The following TMEM178B variants were observed in gnomAD, a reference collection of about 807,000 sequenced individuals.
TMEM178B encodes transmembrane protein 178B.
Under a neutral mutation model 31.0 loss-of-function variants are expected in TMEM178B, and 5 were observed. The observed-to-expected ratio is 0.16, with a 90% CI of 0.08 to 0.34. The LOEUF is 0.34. Ranked by LOEUF, TMEM178B falls within the 10% of genes least tolerant of loss-of-function variation. The pLI is 1.00. For missense variants in TMEM178B, 275 were observed against 400.3 expected (o/e 0.69, Z 2.67); for synonymous variants, 164 against 164.0 (o/e 1.00, Z 0.00).
intron 1 of TMEM178B, among the ~76,000 whole-genome samples, chr7:141,134,007 G>C (rs1795634946): frequency 6.6e-6 from 1 of 152,144 alleles, no homozygotes; most frequent in Admixed American, 6.6e-5. Flanking sequence ...GGCTGAGATG[G>C]GAGGATTGCT....
At chr7:141,404,217 A>C (rs1041050150) in intron 2 of TMEM178B, among the ~76,000 whole-genome samples, 1 of 152,208 alleles carries the variant, frequency 6.6e-6, no homozygotes, top group Non-Finnish European at 1.5e-5. Flanking sequence ...AGGCAGGAGA[A>C]TGGCGTGAAC....
chr7:141,401,416 C>CTCAT (rs908789716), intron 2 of TMEM178B, among the ~76,000 whole-genome samples: 16 of 151,918 alleles, frequency 1.1e-4, no homozygotes, highest in African/African-American at 3.9e-4. Context: ...CTTTTATTTT[C>CTCAT]TTATTTATTT....
At chr7:141,432,429 A>G (rs990017740) in intron 2 of TMEM178B, among the ~76,000 whole-genome samples, 3 of 152,206 alleles carry the variant, frequency 2.0e-5, no homozygotes, top group Admixed American at 2.0e-4. Context: ...TGCTGGGATT[A>G]CAGGCGTGAG....
intron 1 of TMEM178B, among the ~76,000 whole-genome samples, chr7:141,178,466 A>G (rs1052570052): frequency 1.3e-5 from 2 of 152,334 alleles, no homozygotes; most frequent in African/African-American, 4.8e-5. Context: ...GCTGGACCAC[A>G]AAGTTTAAAT....
At chr7:141,228,989 T>A (rs1797390611) in intron 2 of TMEM178B, among the ~76,000 whole-genome samples, 1 of 148,254 alleles carries the variant, frequency 6.7e-6, no homozygotes, top group Non-Finnish European at 1.5e-5. Flanking sequence ...ATTTGAACAG[T>A]CCATGGATTA....
At chr7:141,302,769 C>T (rs1016286106) in intron 2 of TMEM178B, among the ~76,000 whole-genome samples, 1 of 152,174 alleles carries the variant, frequency 6.6e-6, no homozygotes, top group South Asian at 2.1e-4. Flanking sequence ...TGTTAACTAC[C>T]TCCCTGGGAA....
intron 3 of TMEM178B, among the ~76,000 whole-genome samples, chr7:141,468,992 G>T (rs540734664): frequency 6.6e-6 from 1 of 152,278 alleles, no homozygotes; most frequent in South Asian, 2.1e-4. Context: ...TACCTGGCGG[G>T]CACCATCTTG....
chr7:141,304,507 C>G (rs893813254), intron 2 of TMEM178B, among the ~76,000 whole-genome samples: 1 of 152,182 alleles, frequency 6.6e-6, no homozygotes, highest in Non-Finnish European at 1.5e-5. Context: ...CTTGCACACT[C>G]TCGTCTCCAG....
At chr7:141,420,727 C>A (rs1443678522) in intron 2 of TMEM178B, among the ~76,000 whole-genome samples, 1 of 152,160 alleles carries the variant, frequency 6.6e-6, no homozygotes, top group Non-Finnish European at 1.5e-5. Context: ...GGGAGGTACA[C>A]AAACCTGTTA....
At chr7:141,356,883 A>G (rs954076753) in intron 2 of TMEM178B, among the ~76,000 whole-genome samples, 6 of 152,048 alleles carry the variant, frequency 3.9e-5, no homozygotes, top group African/African-American at 1.4e-4. Flanking sequence ...TTCACTGCAA[A>G]CATGATATTT....
intron 2 of TMEM178B, among the ~76,000 whole-genome samples, chr7:141,292,177 A>G (rs1263474337): frequency 1.3e-5 from 2 of 152,178 alleles, no homozygotes; most frequent in Admixed American, 6.5e-5. Flanking sequence ...ATTTACTTAA[A>G]TGTTCTGTGA....
chr7:141,297,698 A>G (rs1798659295), intron 2 of TMEM178B, among the ~76,000 whole-genome samples: 1 of 152,144 alleles, frequency 6.6e-6, no homozygotes, highest in African/African-American at 2.4e-5. Context: ...ATCCTTTTTT[A>G]TGGCTGCATA....
At chr7:141,157,450 C>G (rs1008791532) in intron 1 of TMEM178B, among the ~76,000 whole-genome samples, 1 of 152,072 alleles carries the variant, frequency 6.6e-6, no homozygotes, top group South Asian at 2.1e-4. Context: ...CACGCACACA[C>G]ACACGCACAC....
chr7:141,138,843 G>C (rs562423322), intron 1 of TMEM178B, among the ~76,000 whole-genome samples: 4 of 152,124 alleles, frequency 2.6e-5, no homozygotes, highest in Admixed American at 2.6e-4. Context: ...AATTAGCCGG[G>C]TGTGGTGGCA....
At chr7:141,256,440 A>G (rs1183824332) in intron 2 of TMEM178B, among the ~76,000 whole-genome samples, 2 of 152,150 alleles carry the variant, frequency 1.3e-5, no homozygotes, top group African/African-American at 4.8e-5. Flanking sequence ...CTAAGGCAGG[A>G]GGTACTTGGA....
chr7:141,413,004 C>T (rs1282607430), intron 2 of TMEM178B, among the ~76,000 whole-genome samples: 3 of 152,170 alleles, frequency 2.0e-5, no homozygotes, highest in East Asian at 1.9e-4. Context: ...GAAGAATGCT[C>T]AGCTTCATGA....
At chr7:141,393,867 A>C (rs1211975117) in intron 2 of TMEM178B, among the ~76,000 whole-genome samples, 1 of 152,192 alleles carries the variant, frequency 6.6e-6, no homozygotes. Context: ...ATTCAAAGAC[A>C]TGCTTTTAAC....
chr7:141,106,061 G>A (rs569704768), intron 1 of TMEM178B, among the ~76,000 whole-genome samples: 46 of 149,062 alleles, frequency 3.1e-4, no homozygotes, highest in African/African-American at 1.1e-3. Flanking sequence ...CAGTCAGTCT[G>A]GGCAACAGAG....
chr7:141,343,212 C>T (rs747154068), intron 2 of TMEM178B, among the ~76,000 whole-genome samples: 9 of 152,196 alleles, frequency 5.9e-5, no homozygotes, highest in African/African-American at 9.6e-5. Flanking sequence ...CCGTACCACT[C>T]GCCCTTGCAT....
Sources: gnomAD v4.1 joint callset for allele counts (sites outside exome capture counted in the v4.1 genomes callset) on GRCh38, gnomAD v4.1.1 for gene constraint, MANE v1.5 for transcripts, NCBI Gene and HGNC (gene_info 2026-07-23, HGNC 2026-07-21) for gene names.